The following ADAMTSL3 variants were observed in gnomAD, a reference collection of about 807,000 sequenced individuals.
ADAMTSL3 encodes the protein ADAMTS-like protein 3.
In ADAMTSL3, 128 loss-of-function variants were observed where a neutral mutation model predicts 201.7. The ratio of observed to expected loss-of-function variants is 0.63; its 90% CI spans 0.55 to 0.73. The LOEUF is 0.73. Ranked by LOEUF, ADAMTSL3 falls within the 30% of genes least tolerant of loss-of-function variation. The probability of loss-of-function intolerance (pLI) is 0.00; values close to 1 mark genes in which losing one functional copy is unlikely to be tolerated. For missense variants in ADAMTSL3, 1,990 were observed against 2,119.6 expected (o/e 0.94, Z 1.20); for synonymous variants, 738 against 748.4 (o/e 0.99, Z 0.23).
chr15:84,004,806 T>C (rs889966085), intron 23 of ADAMTSL3, among the ~76,000 whole-genome samples: 1 of 152,114 alleles, frequency 6.6e-6, no homozygotes, highest in African/African-American at 2.4e-5. Context: ...TGAGGAGAAA[T>C]GTTCCAGGTG....
intron 1 of ADAMTSL3, among the ~76,000 whole-genome samples, chr15:83,655,218 C>T (rs574489481): frequency 6.6e-6 from 1 of 152,260 alleles, no homozygotes; most frequent in East Asian, 1.9e-4. Context: ...TCCCGGACCT[C>T]GAGGGCGCAC....
At chr15:83,724,785 T>C (rs1415217737) in intron 3 of ADAMTSL3, among the ~76,000 whole-genome samples, 1 of 152,180 alleles carries the variant, frequency 6.6e-6, no homozygotes, top group East Asian at 1.9e-4. Context: ...CTTCCACAAA[T>C]AACTGAGAAC....
At position 83,892,620 on chromosome 15, in the gene ADAMTSL3, C is replaced by A. The variant is rs538331890; in HGVS notation, c.1263-64C>A. ...TACCTTAAGGCCATACTTTTTGCCA[C>A]CATCTTTGCAAACTTCAAACAAACA... is the stretch of plus-strand genomic sequence containing the variant. On this transcript the variant is annotated intron_variant, in intron 12 of 29. Transcript: ENST00000286744. 6.5e-5 allele frequency: 99 copies of A among 1,512,732 alleles called. No individual in the cohort carries two copies. The African/African-American group carries it at 1.3e-3, about 20-fold the overall frequency. 93.7% of individuals were successfully genotyped at this position (1,512,732 alleles called of 1,614,324 possible).
At chr15:83,790,485 T>G (rs556656858) in intron 4 of ADAMTSL3, among the ~76,000 whole-genome samples, 8 of 151,978 alleles carry the variant, frequency 5.3e-5, no homozygotes, top group Admixed American at 4.6e-4. Flanking sequence ...AAAAAATGTA[T>G]AGGATCTTAT....
intron 3 of ADAMTSL3, among the ~76,000 whole-genome samples, chr15:83,740,469 G>A (rs987892004): frequency 6.6e-6 from 1 of 152,174 alleles, no homozygotes; most frequent in Non-Finnish European, 1.5e-5. Context: ...AGATGTAAGA[G>A]AACTGCATAT....
chr15:83,659,026 A>G (rs751349586), intron 2 of ADAMTSL3, among the ~76,000 whole-genome samples: 5 of 152,210 alleles, frequency 3.3e-5, no homozygotes, highest in Non-Finnish European at 5.9e-5. Flanking sequence ...CCATGTCAAG[A>G]TGGCTTCGTG....
intron 7 of ADAMTSL3, among the ~76,000 whole-genome samples, chr15:83,844,185 C>T (rs1022195940): frequency 6.6e-6 from 1 of 152,150 alleles, no homozygotes; most frequent in Non-Finnish European, 1.5e-5. Context: ...CCTATTGATA[C>T]AGTGATACCT....
chr15:83,841,755 A>T (rs1007641607), intron 7 of ADAMTSL3, among the ~76,000 whole-genome samples: 1 of 151,806 alleles, frequency 6.6e-6, no homozygotes, highest in African/African-American at 2.4e-5. Context: ...CTCTGAAAAC[A>T]GAGTCCCTGT....
At chr15:83,678,797 A>ATATTT (rs1555429358) in intron 2 of ADAMTSL3, among the ~76,000 whole-genome samples, 1 of 139,354 alleles carries the variant, frequency 7.2e-6, no homozygotes, top group African/African-American at 2.7e-5. Flanking sequence ...ATGTATATAT[A>ATATTT]ATATATATTT....
chr15:83,659,283 G>A (rs534659115), intron 2 of ADAMTSL3, among the ~76,000 whole-genome samples: 1 of 152,234 alleles, frequency 6.6e-6, no homozygotes, highest in Non-Finnish European at 1.5e-5. Context: ...GGTCTTATAA[G>A]TCTGTGGTGA....
chr15:83,825,669 C>T (rs985851742), intron 6 of ADAMTSL3, among the ~76,000 whole-genome samples: 6 of 151,848 alleles, frequency 4.0e-5, no homozygotes, highest in East Asian at 3.9e-4. Context: ...CCTCAAGGAG[C>T]GCTCTCTGGA....
intron 3 of ADAMTSL3, among the ~76,000 whole-genome samples, chr15:83,749,758 A>T (rs2062608762): frequency 1.3e-5 from 2 of 152,304 alleles, no homozygotes; most frequent in South Asian, 4.1e-4. Context: ...ATGGCCATAG[A>T]CTAGTAATTC....
intron 5 of ADAMTSL3, among the ~76,000 whole-genome samples, chr15:83,818,806 T>A (rs2063809377): frequency 1.3e-5 from 2 of 152,184 alleles, no homozygotes; most frequent in Non-Finnish European, 1.5e-5. Flanking sequence ...ACAAACACTT[T>A]TTATTATGAG....
At position 83,970,557 on chromosome 15, in the gene ADAMTSL3, G is replaced by C. The variant is rs2277848; in HGVS notation, c.2564G>C (p.Arg855Pro). Residue 855 changes from arginine (R) to proline (P), a missense_variant, in exon 20 of 30, where the codon CGC becomes CCC. Coordinates refer to ENST00000286744, the MANE Select transcript of ADAMTSL3 (RefSeq NM_207517.3). Reference protein sequence around the residue: ...VCQRLAAKGRRIPLSEMMCRD... With the variant: ...VCQRLAAKGRPIPLSEMMCRD... ...CAAAGGCTGGCAGCCAAAGGTCGGCGCATCCCCCTCAGTGAGATGATGTGC... is the reference window on the plus strand; with the variant it reads ...CAAAGGCTGGCAGCCAAAGGTCGGCCCATCCCCCTCAGTGAGATGATGTGC... 1 of 1,614,180 alleles carries C rather than the reference G, an allele frequency of 6.2e-7. No individual in the cohort carries two copies. Among genetic ancestry groups the C allele is most frequent in the Non-Finnish European group, 8.5e-7 (1 of 1,180,030 alleles).
rs2068268462 is a variant in ADAMTSL3 at position 84,024,624 on chromosome 15, AACAG to A, written c.4458-610_4458-607del. 4.6e-5 allele frequency among the ~76,000 whole-genome samples: 7 copies of A among 152,378 alleles called. No individual in the cohort carries two copies. In the South Asian group the frequency reaches 1.4e-3, roughly 32 times the overall value. On this transcript the variant is annotated intron_variant, in intron 26 of 29. Transcript: ENST00000286744. ...AGTCTCCCAACAGCATCTTTGTCCC[AACAG>A]ACAAAGCACTCAATATCTCAAAGGT... is the stretch of plus-strand genomic sequence containing the variant.
intron 9 of ADAMTSL3, among the ~76,000 whole-genome samples, chr15:83,884,014 T>C (rs1465710194): frequency 6.6e-6 from 1 of 151,872 alleles, no homozygotes; most frequent in Non-Finnish European, 1.5e-5. Flanking sequence ...TGCCTCAGCC[T>C]CCTGAGTAGC....
At chr15:83,922,217 A>C (rs961001074) in intron 16 of ADAMTSL3, among the ~76,000 whole-genome samples, 2 of 152,118 alleles carry the variant, frequency 1.3e-5, no homozygotes, top group African/African-American at 4.8e-5. Flanking sequence ...GGGATGGGAG[A>C]TATTTTGTGG....
intron 19 of ADAMTSL3, chr15:83,962,423 T>A (rs1161529650): frequency 6.6e-6 from 1 of 152,206 alleles, no homozygotes; most frequent in African/African-American, 2.4e-5. Context: ...CCAAATCTCT[T>A]GTTGGTTTAT....
At chr15:84,008,514 TCTGTTC>T (rs1243472139) in intron 23 of ADAMTSL3, among the ~76,000 whole-genome samples, 1 of 152,206 alleles carries the variant, frequency 6.6e-6, no homozygotes, top group Admixed American at 6.5e-5. Flanking sequence ...TACCATAGTA[TCTGTTC>T]CTGTGTAGCC....
Sources: gnomAD v4.1 joint callset for allele counts (sites outside exome capture counted in the v4.1 genomes callset) on GRCh38, gnomAD v4.1.1 for gene constraint, MANE v1.5 for transcripts, NCBI Gene and HGNC (gene_info 2026-07-23, HGNC 2026-07-21) for gene names.